Variants in F2R observed in about 807,000 individuals in gnomAD.
F2R encodes coagulation factor II thrombin receptor, also known as proteinase-activated receptor 1.
Under a neutral mutation model 18.3 loss-of-function variants are expected in F2R, and 12 were observed. The observed-to-expected ratio is 0.66, with a 90% CI of 0.42 to 1.06. F2R has a LOEUF of 1.06. Ranked by LOEUF, F2R falls within the 50% of genes least tolerant of loss-of-function variation. F2R has a pLI of 0.00. For missense variants in F2R, 438 were observed against 530.8 expected (o/e 0.83, Z 1.72); for synonymous variants, 210 against 219.9 (o/e 0.95, Z 0.40).
rs759010909 is a variant in F2R, at chr5:76,735,015, C to T, written c.*1512C>T. ...TTCTATAATTTCCATTTACTTAAGA[C>T]TTAATGAGACTTTAAAAGCATTTTT... On this transcript the variant is annotated 3_prime_UTR_variant, in exon 2 of 2. Coordinates refer to ENST00000319211, the MANE Select transcript of F2R (RefSeq NM_001992.5). The T allele has an allele frequency of 1.1e-4, 17 of 152,384 alleles. No homozygotes were observed. Among genetic ancestry groups the T allele is most frequent in the African/African-American group, 3.9e-4 (16 of 41,544 alleles). The allele number at this position is 152,384 out of a possible 1,614,324, so 9.4% of individuals were successfully genotyped here.
chr5:76,726,101 G>T (rs952047872), intron 1 of F2R, among the ~76,000 whole-genome samples: 14 of 152,128 alleles, frequency 9.2e-5, no homozygotes, highest in African/African-American at 3.1e-4. Context: ...TTATTTTAAG[G>T]TTCCTTGGCC....
rs955417205 is a variant in F2R, at chr5:76,716,298, G to C, written c.-10G>C. On this transcript the variant is annotated 5_prime_UTR_variant, in exon 1 of 2. Coordinates refer to ENST00000319211, the MANE Select transcript of F2R (RefSeq NM_001992.5). ...GCCTCCCGGAGCAGCGCCGCGCAGA[G>C]CCCGGGACAATGGGGCCGCGGCGGC... is the stretch of plus-strand genomic sequence containing the variant. 1.4e-4 allele frequency: 193 copies of C among 1,390,776 alleles called. No homozygotes were observed. Among genetic ancestry groups the C allele is most frequent in the Non-Finnish European group, 1.7e-4 (186 of 1,076,554 alleles). 86.2% of individuals were successfully genotyped at this position (1,390,776 alleles called of 1,614,324 possible).
chr5:76,718,587 T>C (rs1439442570), intron 1 of F2R, among the ~76,000 whole-genome samples: 1 of 152,256 alleles, frequency 6.6e-6, no homozygotes, highest in Non-Finnish European at 1.5e-5. Context: ...ATTTCCTGCC[T>C]TGTCACTTTG....
chr5:76,729,534 T>A (rs1327392428), intron 1 of F2R, among the ~76,000 whole-genome samples: 3 of 152,362 alleles, frequency 2.0e-5, no homozygotes, highest in South Asian at 4.1e-4. Context: ...CTACTTCTCC[T>A]TTTATTGCCT....
At position 76,733,340 on chromosome 5, in the gene F2R, A is replaced by G; in HGVS notation, c.1115A>G (p.Tyr372Cys). Residue 372 changes from tyrosine (Y) to cysteine (C), a missense_variant, in exon 2 of 2, where the codon TAT (tyrosine) becomes TGT (cysteine). Physicochemically the swap from Tyr to Cys is radical, Grantham distance 194. Transcript: ENST00000319211. The part of the protein sequence containing the change: ...ISCCIDPLIY[Y>C]YASSECQRYV... ...TGCTGCATCGACCCCCTAATTTACT[A>G]TTACGCTTCCTCTGAGTGCCAGAGG... 1 of 1,614,096 alleles carries G rather than the reference A, an allele frequency of 6.2e-7. No homozygotes were observed. The highest frequency in any genetic ancestry group is 8.5e-7 in the Non-Finnish European group (1 of 1,180,018).
rs769434611 is a variant in F2R, at chr5:76,733,441, A to G, written c.1216A>G (p.Ser406Gly). 2 of 1,614,066 alleles carry G rather than the reference A, an allele frequency of 1.2e-6. No individual in the cohort carries two copies. The highest frequency in any genetic ancestry group is 2.7e-5 in the African/African-American group (2 of 74,944). The change falls in exon 2 of 2, where the codon AGT becomes GGT. Residue 406 changes from serine (S) to glycine (G), a missense_variant. Transcript: ENST00000319211. ...TAACAGCAGTGGGCAGTTGATGGCA[A>G]GTAAAATGGATACCTGCTCTAGTAA... is the stretch of plus-strand genomic sequence containing the variant. Reference protein sequence around the residue: ...SYNSSGQLMASKMDTCSSNLN... With the variant: ...SYNSSGQLMAGKMDTCSSNLN...
chr5:76,718,073 T>C (rs1429091177), intron 1 of F2R, among the ~76,000 whole-genome samples: 2 of 152,150 alleles, frequency 1.3e-5, no homozygotes, highest in East Asian at 3.9e-4. Flanking sequence ...CCATATTCCA[T>C]GTCAAGCCCT....
At position 76,733,536 on chromosome 5, in the gene F2R, G is replaced by T; in HGVS notation, c.*33G>T. 6.6e-7 allele frequency: 1 copy of T among 1,522,520 alleles called. No individual in the cohort carries two copies. 94.3% of individuals were successfully genotyped at this position (1,522,520 alleles called of 1,614,324 possible). On this transcript the variant is annotated 3_prime_UTR_variant, in exon 2 of 2. Coordinates refer to ENST00000319211, the MANE Select transcript of F2R (RefSeq NM_001992.5). ...GACTGCTGGGAGGTTAAAAAGAAAA[G>T]TTTATAAAAGTGAATAACCTGAGGA...
At chr5:76,722,342 A>G (rs1748476590) in intron 1 of F2R, among the ~76,000 whole-genome samples, 1 of 152,172 alleles carries the variant, frequency 6.6e-6, no homozygotes, top group Non-Finnish European at 1.5e-5. Flanking sequence ...TTTCTTGGAG[A>G]ACAGACCTGG....
In F2R at chr5:76,716,179, G is replaced by C; in HGVS notation, c.-129G>C. The stretch of plus-strand genomic sequence containing the variant: ...GGTCGCTTGGACCCTGATCTTACCC[G>C]TGGGCACCCTGCGCTCTGCCTGCCG... On this transcript the variant is annotated 5_prime_UTR_variant, in exon 1 of 2. Coordinates refer to ENST00000319211, the MANE Select transcript of F2R (RefSeq NM_001992.5). The C allele has an allele frequency of 1.6e-6, 1 of 606,342 alleles. No homozygotes were observed. Among genetic ancestry groups the C allele is most frequent in the African/African-American group, 2.0e-5 (1 of 50,850 alleles). The allele number at this position is 606,342 out of a possible 1,614,324, so 37.6% of individuals were successfully genotyped here. A position where few individuals can be genotyped will look rare whatever the true frequency, so the allele number is the denominator to read the frequency against.
intron 1 of F2R, among the ~76,000 whole-genome samples, chr5:76,717,858 G>A (rs536138972): frequency 4.6e-5 from 7 of 152,278 alleles, no homozygotes; most frequent in Middle Eastern, 3.4e-3. Context: ...AGCCTCATTA[G>A]GGAGTGAAGT....
intron 1 of F2R, among the ~76,000 whole-genome samples, chr5:76,723,126 T>C (rs1354603382): frequency 6.6e-6 from 1 of 152,204 alleles, no homozygotes; most frequent in Non-Finnish European, 1.5e-5. Flanking sequence ...ACCAAGTTGT[T>C]GGCATGTGTG....
At chr5:76,719,790 GT>G (rs1261308157) in intron 1 of F2R, among the ~76,000 whole-genome samples, 65 of 152,274 alleles carry the variant, frequency 4.3e-4, no homozygotes, top group Non-Finnish European at 1.5e-4. Context: ...AGCAAAGTCT[GT>G]GCCCTATCGC....
chr5:76,733,668 A>G lies in F2R; in HGVS notation c.*165A>G. 1.7e-6 allele frequency: 1 copy of G among 602,130 alleles called. No individual in the cohort carries two copies. The highest frequency in any genetic ancestry group is 2.9e-6 in the Non-Finnish European group (1 of 346,890). The allele number at this position is 602,130 out of a possible 1,614,324, so 37.3% of individuals were successfully genotyped here. On this transcript the variant is annotated 3_prime_UTR_variant, in exon 2 of 2. Coordinates refer to ENST00000319211, the MANE Select transcript of F2R (RefSeq NM_001992.5). ...AGCTGTCAAGCATGTATTTTTGTCA[A>G]TTACCAGAAAGATAACAGGACGAGA...
chr5:76,729,409 C>G (rs1748629637), intron 1 of F2R, among the ~76,000 whole-genome samples: 1 of 152,146 alleles, frequency 6.6e-6, no homozygotes, highest in Admixed American at 6.6e-5. Flanking sequence ...GATATTAACC[C>G]TTTATCAGAC....
At chr5:76,725,759 C>A (rs1203847905) in intron 1 of F2R, among the ~76,000 whole-genome samples, 1 of 152,120 alleles carries the variant, frequency 6.6e-6, no homozygotes, top group Non-Finnish European at 1.5e-5. Flanking sequence ...TGAGCTCTAG[C>A]CTATAAAAAT....
chr5:76,732,360 C>T lies in F2R; in HGVS notation c.135C>T (p.Leu45=), dbSNP rs374922176. Residue 45 remains leucine, a synonymous_variant, in exon 2 of 2, where the codon CTC becomes CTT. Coordinates refer to ENST00000319211, the MANE Select transcript of F2R (RefSeq NM_001992.5). ...CCTTAGATCCCCGGTCATTTCTTCT[C>T]AGGAACCCCAATGATAAATATGAAC... is the stretch of plus-strand genomic sequence containing the variant. ...NATLDPRSFL[L]RNPNDKYEPF... 3 of 1,613,012 alleles carry T rather than the reference C, an allele frequency of 1.9e-6. No homozygotes were observed. The highest frequency in any genetic ancestry group is 2.5e-6 in the Non-Finnish European group (3 of 1,179,724).
rs1748709024 is a variant in F2R at position 76,733,150 on chromosome 5, TC to T, written c.928del (p.Arg310GlyfsTer24). On this transcript the variant is annotated frameshift_variant, in exon 2 of 2. Transcript: ENST00000319211. LOFTEE classifies it high-confidence loss of function. The stretch of plus-strand genomic sequence containing the variant: ...CGCAGTTGCCAACCGCAGCAAGAAG[TC>T]CCGGGCTTTGTTCCTGTCAGCTGCT... ...SSAVANRSKK[S>X]RALFLSAAVF... The T allele has an allele frequency of 6.2e-7, 1 of 1,614,070 alleles. No individual in the cohort carries two copies. The highest frequency in any genetic ancestry group is 8.5e-7 in the Non-Finnish European group (1 of 1,180,036).
At chr5:76,728,062 T>G (rs1013340204) in intron 1 of F2R, among the ~76,000 whole-genome samples, 5 of 151,984 alleles carry the variant, frequency 3.3e-5, no homozygotes, top group Admixed American at 3.3e-4. Flanking sequence ...AGCCCCCTTT[T>G]TCTTTTATTT....
Sources: gnomAD v4.1 joint callset for allele counts (sites outside exome capture counted in the v4.1 genomes callset) on GRCh38, gnomAD v4.1.1 for gene constraint, MANE v1.5 for transcripts, NCBI Gene and HGNC (gene_info 2026-07-23, HGNC 2026-07-21) for gene names.